The following WDR41 variants were observed in gnomAD, a reference collection of about 807,000 sequenced individuals.
WDR41 encodes WD repeat-containing protein 41.
WDR41 carries 63 observed loss-of-function variants against 69.3 expected under a neutral mutation model. That is an observed-to-expected ratio of 0.91 (90% CI 0.74 to 1.12). The LOEUF (loss-of-function observed/expected upper bound fraction) is 1.12, where lower values mean the gene tolerates loss of function less well. WDR41 is among the 50% of genes most tolerant of loss of function. The pLI is 0.00. For synonymous variants in WDR41, 185 were observed against 192.1 expected, an observed-to-expected ratio of 0.96 and a Z score of 0.31; for missense variants, 543 against 534.5, an observed-to-expected ratio of 1.02 and a Z score of -0.16.
At chr5:77,539,159 C>T (rs372521939) in intron 1 of WDR41, among the ~76,000 whole-genome samples, 2 of 152,086 alleles carry the variant, frequency 1.3e-5, no homozygotes, top group African/African-American at 2.4e-5. Context: ...ACCTCATTAC[C>T]TCCCAAAGAC....
At chr5:77,548,930 A>G (rs1351690545) in intron 1 of WDR41, among the ~76,000 whole-genome samples, 1 of 152,228 alleles carries the variant, frequency 6.6e-6, no homozygotes, top group Non-Finnish European at 1.5e-5. Context: ...ATATGTATAT[A>G]TACGATGGAA....
intron 1 of WDR41, among the ~76,000 whole-genome samples, chr5:77,551,624 G>A: frequency 6.6e-6 from 1 of 152,058 alleles, no homozygotes; most frequent in Non-Finnish European, 1.5e-5. Flanking sequence ...GCTGAAGTGA[G>A]CTGAGATTGC....
intron 2 of WDR41, among the ~76,000 whole-genome samples, chr5:77,473,285 A>G (rs562151177): frequency 2.1e-4 from 32 of 152,192 alleles, no homozygotes; most frequent in Non-Finnish European, 3.8e-4. Flanking sequence ...CCTTCTACAA[A>G]AATTAATTCA....
intron 1 of WDR41, among the ~76,000 whole-genome samples, chr5:77,502,514 A>G (rs888013989): frequency 1.5e-4 from 23 of 152,166 alleles, no homozygotes; most frequent in African/African-American, 5.3e-4. Flanking sequence ...TCAGAAAAAT[A>G]GATAACACCA....
chr5:77,611,230 A>G (rs1480645537), intron 1 of WDR41, among the ~76,000 whole-genome samples: 1 of 152,140 alleles, frequency 6.6e-6, no homozygotes, highest in African/African-American at 2.4e-5. Context: ...CCCCACTGTC[A>G]ACATTAGACA....
chr5:77,502,869 C>T (rs1259075020), intron 1 of WDR41, among the ~76,000 whole-genome samples: 4 of 152,022 alleles, frequency 2.6e-5, no homozygotes, highest in Non-Finnish European at 4.4e-5. Flanking sequence ...GAAGGAAGCA[C>T]TAAACATGGA....
intron 1 of WDR41, among the ~76,000 whole-genome samples, chr5:77,579,513 G>T (rs1156639316): frequency 6.6e-6 from 1 of 151,780 alleles, no homozygotes; most frequent in Non-Finnish European, 1.5e-5. Flanking sequence ...TAAGATAGTA[G>T]AACAACATGT....
intron 1 of WDR41, chr5:77,582,345 G>A: frequency 1.3e-6 from 2 of 1,588,604 alleles, no homozygotes; most frequent in Non-Finnish European, 8.6e-7. Flanking sequence ...GAGTACGCAT[G>A]CGCCAACTTC....
At chr5:77,580,987 A>T (rs995072828) in intron 1 of WDR41, among the ~76,000 whole-genome samples, 7 of 151,750 alleles carry the variant, frequency 4.6e-5, no homozygotes, top group African/African-American at 1.7e-4. Context: ...AAAATAAAAT[A>T]AAAATAAAAA....
At chr5:77,443,000 A>G (rs975601733) in intron 8 of WDR41, among the ~76,000 whole-genome samples, 2 of 151,408 alleles carry the variant, frequency 1.3e-5, no homozygotes, top group African/African-American at 4.9e-5. Context: ...TTTCAAATAA[A>G]TGTAATTTAT....
intron 1 of WDR41, among the ~76,000 whole-genome samples, chr5:77,570,586 T>C (rs1743716811): frequency 1.3e-5 from 2 of 150,396 alleles, no homozygotes; most frequent in Non-Finnish European, 3.0e-5. Context: ...TATATTTGCA[T>C]AGCTAAGCCA....
chr5:77,567,966 C>T (rs1743665049), intron 1 of WDR41, among the ~76,000 whole-genome samples: 1 of 151,978 alleles, frequency 6.6e-6, no homozygotes, highest in Non-Finnish European at 1.5e-5. Flanking sequence ...TTGGATATCC[C>T]TGCCATTGGT....
chr5:77,485,543 T>C (rs1238739368), intron 2 of WDR41, among the ~76,000 whole-genome samples: 1 of 152,218 alleles, frequency 6.6e-6, no homozygotes, highest in Non-Finnish European at 1.5e-5. Context: ...GTCTGTTTCC[T>C]GAAGGAGCAA....
At chr5:77,462,993 C>A in intron 4 of WDR41, 102 bp downstream of exon 4, 2 of 1,306,724 alleles carry the variant, frequency 1.5e-6, no homozygotes, top group South Asian at 1.5e-5. Context: ...TTTGCTATAA[C>A]AAGAATATAC....
At chr5:77,493,594 C>T (rs2112139385), upstream of WDR41, among the ~76,000 whole-genome samples, 1 of 152,266 alleles carries the variant, frequency 6.6e-6, no homozygotes, top group East Asian at 1.9e-4. Context: ...GAACACACTC[C>T]CAAGGATCAG....
intron 1 of WDR41, among the ~76,000 whole-genome samples, chr5:77,588,740 A>G (rs1744083305): frequency 6.6e-6 from 1 of 152,218 alleles, no homozygotes; most frequent in African/African-American, 2.4e-5. Context: ...CTCCAGTCAC[A>G]ATATTTGTGT....
At chr5:77,569,547 A>T (rs1209268876) in intron 1 of WDR41, among the ~76,000 whole-genome samples, 2 of 152,182 alleles carry the variant, frequency 1.3e-5, no homozygotes, top group African/African-American at 4.8e-5. Flanking sequence ...GACTTACAAA[A>T]GCCATTTATA....
At chr5:77,438,188 C>G (rs370492619) in intron 10 of WDR41, 52 bp downstream of exon 10, 1 of 1,610,306 alleles carries the variant, frequency 6.2e-7, no homozygotes, top group Non-Finnish European at 8.5e-7. Context: ...ACTGGTAGCC[C>G]TGGGAACTGT....
At chr5:77,448,062 C>T (rs1398758641) in intron 8 of WDR41, among the ~76,000 whole-genome samples, 2 of 152,152 alleles carry the variant, frequency 1.3e-5, no homozygotes, top group Non-Finnish European at 2.9e-5. Flanking sequence ...TGGTAAAAGA[C>T]ATGCCATGAA....
Sources: gnomAD v4.1 joint callset for allele counts (sites outside exome capture counted in the v4.1 genomes callset) on GRCh38, gnomAD v4.1.1 for gene constraint, MANE v1.5 for transcripts, NCBI Gene and HGNC (gene_info 2026-07-23, HGNC 2026-07-21) for gene names.